The following GGT7 variants were observed in gnomAD, a reference collection of about 807,000 sequenced individuals.
GGT7 encodes the protein glutathione hydrolase 7.
Under a neutral mutation model 69.2 loss-of-function variants are expected in GGT7, and 30 were observed. The observed-to-expected ratio is 0.43, with a 90% confidence interval of 0.32 to 0.59. The LOEUF (loss-of-function observed/expected upper bound fraction) is 0.59, where lower values mean the gene tolerates loss of function less well. Among genes scored for constraint, GGT7 ranks in the 20% least tolerant of loss-of-function variants. GGT7 has a pLI of 0.05. For synonymous variants in GGT7, 388 were observed against 391.8 expected (o/e 0.99, Z 0.12); for missense variants, 733 against 901.1 (o/e 0.81, Z 2.39).
chr20:34,863,511 C>A lies in GGT7; in HGVS notation c.207G>T (p.Arg69=). ...DSFLKSARLQ[R]LPSSSSEMGS... ...CCATCTCCGACGACGACGATGGCAG[C>A]CGCTGCAGCCGTGCAGACTTCAGGA... The change falls in exon 2 of 15, where the codon CGG becomes CGT. Residue 69 remains arginine, a synonymous_variant. Coordinates refer to ENST00000336431, the MANE Select transcript of GGT7 (RefSeq NM_178026.3). This position sits in a 1 kb window ranked among gnomAD's most constrained non-coding sequence, Gnocchi z 4.4. The A allele has an allele frequency of 6.3e-7, 1 of 1,595,384 alleles. No homozygotes were observed. The highest frequency in any genetic ancestry group is 8.5e-7 in the Non-Finnish European group (1 of 1,171,154).
At chr20:34,864,925 C>T (rs549952757) in intron 1 of GGT7, among the ~76,000 whole-genome samples, 10 of 151,898 alleles carry the variant, frequency 6.6e-5, no homozygotes, top group East Asian at 2.0e-4. Context: ...TGGGTTCAAG[C>T]GACTCTCTTG....
At position 34,854,480 on chromosome 20, in the gene GGT7, C is replaced by T. The variant is rs775397265; in HGVS notation, c.1319+51G>A. 8 of 1,124,390 alleles carry T rather than the reference C, an allele frequency of 7.1e-6. No individual in the cohort carries two copies. In the South Asian group the frequency reaches 1.0e-4, roughly 14 times the overall value. 69.7% of individuals were successfully genotyped at this position (1,124,390 alleles called of 1,614,324 possible). A position where few individuals can be genotyped will look rare whatever the true frequency, so the allele number is the denominator to read the frequency against. ...CCAGCTGCTTTTCTCCTGACCCTTT[C>T]CCCACACCCACCGCTGCCTCTGTAG... On this transcript the variant is annotated intron_variant, in intron 10 of 14. Transcript: ENST00000336431.
In GGT7 at chr20:34,863,699, C is replaced by G. The variant is rs576195143; in HGVS notation, c.170-151G>C. On this transcript the variant is annotated intron_variant, in intron 1 of 14. Transcript: ENST00000336431. This position sits in a 1 kb window ranked among gnomAD's most constrained non-coding sequence, Gnocchi z 4.4. ...ACTCACCTTTCCTCATTTTCGCGTG[C>G]ACCCCAGGACAGGCGGGGCAACGGT... 5.2e-4 allele frequency: 379 copies of G among 727,336 alleles called. 2 individuals carry two copies. The highest frequency in any genetic ancestry group is 9.1e-4 in the Non-Finnish European group (358 of 395,098). The allele number at this position is 727,336 out of a possible 1,614,324, so 45.1% of individuals were successfully genotyped here.
At chr20:34,870,946 C>A (rs2079767736) in intron 1 of GGT7, among the ~76,000 whole-genome samples, 1 of 151,454 alleles carries the variant, frequency 6.6e-6, no homozygotes, top group Non-Finnish European at 1.5e-5. Context: ...CACCCACCAC[C>A]ATGCCCAGCT....
intron 3 of GGT7, 144 bp from the exon 4 acceptor site, chr20:34,861,706 T>C (rs944251203): frequency 1.2e-4 from 57 of 467,456 alleles, no homozygotes; most frequent in African/African-American, 1.0e-3. Context: ...CTCCCCAGCA[T>C]GGATTCACAG....
chr20:34,857,328 C>T (rs1020356663), intron 7 of GGT7, among the ~76,000 whole-genome samples: 8 of 152,292 alleles, frequency 5.3e-5, no homozygotes, highest in Non-Finnish European at 7.4e-5. Context: ...TTATGGCACA[C>T]TTGCCTAGGA....
At chr20:34,865,461 A>T (rs1568943047) in intron 1 of GGT7, among the ~76,000 whole-genome samples, 6 of 152,242 alleles carry the variant, frequency 3.9e-5, no homozygotes, top group Non-Finnish European at 1.5e-5. Flanking sequence ...AAGCGCTGGG[A>T]TTACAGGCAT....
In GGT7 at chr20:34,863,402, C is replaced by T. The variant is rs1568941353; in HGVS notation, c.316G>A (p.Gly106Arg). 2.5e-6 allele frequency: 4 copies of T among 1,613,996 alleles called. No homozygotes were observed. In the Admixed American group the frequency reaches 6.7e-5, roughly 27 times the overall value. Residue 106 changes from glycine to arginine, a missense_variant, in exon 2 of 15, where the codon GGG (glycine) becomes AGG (arginine). Coordinates refer to ENST00000336431, the MANE Select transcript of GGT7 (RefSeq NM_178026.3). The surrounding 1 kb of genome is among the most constrained non-coding windows in gnomAD (Gnocchi z 4.4). ...AAAECSCRQD[G>R]LTVIVTACLT... ...CAGGCCGTGACGATGACCGTGAGCC[C>T]ATCCTGGCGGCAGGAGCACTCGGCC...
At chr20:34,870,818 G>GTC (rs2079765712) in intron 1 of GGT7, among the ~76,000 whole-genome samples, 1 of 151,820 alleles carries the variant, frequency 6.6e-6, no homozygotes, top group Non-Finnish European at 1.5e-5. Context: ...TTGAGACTGA[G>GTC]TCTCACTCTG....
At chr20:34,862,567 A>C (rs549147512) in intron 3 of GGT7, among the ~76,000 whole-genome samples, 11 of 150,898 alleles carry the variant, frequency 7.3e-5, no homozygotes, top group Non-Finnish European at 1.0e-4. Context: ...ATGGTTTACA[A>C]ATTTCTTTTT....
chr20:34,850,439 C>T (rs977943127), intron 13 of GGT7, among the ~76,000 whole-genome samples: 11 of 152,208 alleles, frequency 7.2e-5, no homozygotes, highest in South Asian at 2.1e-4. Flanking sequence ...TAGGAGTGTG[C>T]GTAGGCTCTG....
chr20:34,845,635 T>C, intron 14 of GGT7, 144 bp from the exon 15 acceptor site: 1 of 684,014 alleles, frequency 1.5e-6, no homozygotes, highest in Non-Finnish European at 2.6e-6. Flanking sequence ...TTGCTGAGCC[T>C]CAGTTTCCTC....
intron 14 of GGT7, 29 bp downstream of exon 14, chr20:34,849,932 G>T: frequency 7.2e-7 from 1 of 1,394,588 alleles, no homozygotes; most frequent in Non-Finnish European, 1.0e-6. Context: ...CCCTGTGCCC[G>T]CCCCACGAGG....
In GGT7 at chr20:34,854,911, A is replaced by G; in HGVS notation, c.1115T>C (p.Leu372Pro). The G allele has an allele frequency of 6.2e-7, 1 of 1,613,800 alleles. No homozygotes were observed. The highest frequency in any genetic ancestry group is 8.5e-7 in the Non-Finnish European group (1 of 1,179,908). The change falls in exon 9 of 15, where the codon CTT becomes CCT. Residue 372 changes from leucine (L) to proline (P), a missense_variant. Transcript: ENST00000336431. ...VCGVYRGHLV[L>P]SPPPPHTGPA... ...GCCCGTGTGCGGAGGTGGGGGACTA[A>G]GAACCAGGTGGCCTGAAAGGACAGG...
chr20:34,850,040 G>C lies in GGT7; in HGVS notation c.1746C>G (p.Thr582=), dbSNP rs2079363938. Residue 582 remains threonine (T), a synonymous_variant, in exon 14 of 15, where the codon ACC becomes ACG. Transcript: ENST00000336431. The part of the protein sequence containing the change: ...GLTQVLLNVL[T]LNRNLSDSLA... ...GGCTGTCACTCAGGTTCCGGTTCAA[G>C]GTCAGGACATTCAGCAGAACCTGTG... 6.2e-7 allele frequency: 1 copy of C among 1,613,670 alleles called. No homozygotes were observed. Among genetic ancestry groups the C allele is most frequent in the South Asian group, 1.1e-5 (1 of 91,076 alleles).
intron 7 of GGT7, among the ~76,000 whole-genome samples, chr20:34,857,437 T>A (rs972336437): frequency 6.6e-6 from 1 of 152,140 alleles, no homozygotes; most frequent in East Asian, 1.9e-4. Flanking sequence ...TTATTGGACA[T>A]AACCAAGCCC....
At position 34,863,430 on chromosome 20, in the gene GGT7, T is replaced by C; in HGVS notation, c.288A>G (p.Ala96=). 6.2e-7 allele frequency: 1 copy of C among 1,613,476 alleles called. No homozygotes were observed. Among genetic ancestry groups the C allele is most frequent in the South Asian group, 1.1e-5 (1 of 91,054 alleles). ...CCTGGCGGCAGGAGCACTCGGCCGC[T>C]GCGGCGGAGAACGGGTCTTTGCGCG... ...RETRKDPFSA[A]AAECSCRQDG... The change falls in exon 2 of 15, where the codon GCA becomes GCG. Residue 96 remains alanine (A), a synonymous_variant. Transcript: ENST00000336431. The surrounding 1 kb of genome is among the most constrained non-coding windows in gnomAD (Gnocchi z 4.4).
chr20:34,852,473 A>C lies in GGT7; in HGVS notation c.1385T>G (p.Leu462Arg). 6.2e-7 allele frequency: 1 copy of C among 1,612,064 alleles called. No homozygotes were observed. Among genetic ancestry groups the C allele is most frequent in the South Asian group, 1.1e-5 (1 of 90,780 alleles). Residue 462 changes from leucine to arginine, a missense_variant, in exon 11 of 15, where the codon CTG becomes CGG. Leu to Arg is a moderately radical substitution (Grantham distance 102). Coordinates refer to ENST00000336431, the MANE Select transcript of GGT7 (RefSeq NM_178026.3). ...AGCTCCGTCTAGTTCATAGACAGGC[A>C]GGAGTGGGGCAGGGGCTGCCTGGGA... Reference protein sequence around the residue: ...NDSQAAPAPLLPVYELDGAPT... With the variant: ...NDSQAAPAPLRPVYELDGAPT...
intron 4 of GGT7, 22 bp from the exon 5 acceptor site, chr20:34,860,343 G>A (rs1282037324): frequency 1.3e-6 from 2 of 1,598,210 alleles, no homozygotes; most frequent in South Asian, 2.2e-5. Context: ...GGGTAGGCGA[G>A]GGAGAGAGGA....
Sources: allele counts gnomAD v4.1 joint callset (sites outside exome capture counted in the v4.1 genomes callset), GRCh38; gene constraint gnomAD v4.1.1; non-coding constraint Gnocchi (gnomAD v3.1); transcripts MANE v1.5; gene names NCBI Gene and HGNC (gene_info 2026-07-23, HGNC 2026-07-21).